Variants in SIL1 observed in about 807,000 individuals in gnomAD.
The protein encoded by SIL1 is SIL1 nucleotide exchange factor.
In SIL1, 40 loss-of-function variants were observed where a neutral mutation model predicts 49.1. The observed-to-expected ratio is 0.81, with a 90% CI of 0.63 to 1.06. SIL1 has a LOEUF of 1.06. SIL1 is among the 50% of genes least tolerant of loss of function. The pLI, the probability that SIL1 is intolerant of heterozygous loss-of-function variation, is 0.00. For synonymous variants in SIL1, 253 were observed against 250.8 expected (o/e 1.01, Z -0.08); for missense variants, 500 against 572.6 (o/e 0.87, Z 1.29).
intron 4 of SIL1, among the ~76,000 whole-genome samples, chr5:139,047,398 C>T (rs1769189873): frequency 6.6e-6 from 1 of 152,202 alleles, no homozygotes; most frequent in Admixed American, 6.5e-5. Flanking sequence ...CTTTAGAGCC[C>T]ACAAGCATTG....
At chr5:138,992,028 G>C (rs1286599718) in intron 7 of SIL1, among the ~76,000 whole-genome samples, 1 of 152,218 alleles carries the variant, frequency 6.6e-6, no homozygotes, top group African/African-American at 2.4e-5. Context: ...GCTCACTCCA[G>C]TCAGTGCCCA....
intron 3 of SIL1, among the ~76,000 whole-genome samples, chr5:139,118,798 A>G (rs1243638468): frequency 6.6e-6 from 1 of 152,206 alleles, no homozygotes; most frequent in Non-Finnish European, 1.5e-5. Context: ...AACAGTATAC[A>G]TAGAAAACAT....
intron 5 of SIL1, among the ~76,000 whole-genome samples, chr5:139,041,190 T>C (rs1173718731): frequency 6.6e-6 from 1 of 152,168 alleles, no homozygotes; most frequent in South Asian, 2.1e-4. Flanking sequence ...TAGGACACAA[T>C]TGCGAGCATT....
intron 1 of SIL1, among the ~76,000 whole-genome samples, chr5:139,136,584 A>G (rs1750977756): frequency 6.6e-6 from 1 of 152,164 alleles, no homozygotes; most frequent in Non-Finnish European, 1.5e-5. Flanking sequence ...AAGAGTGGAG[A>G]ATCCTGAGAA....
At chr5:138,952,392 G>C (rs1561802251) in intron 7 of SIL1, among the ~76,000 whole-genome samples, 3 of 152,234 alleles carry the variant, frequency 2.0e-5, no homozygotes, top group Non-Finnish European at 4.4e-5. Flanking sequence ...ACTGCACATA[G>C]AAAATGCTTG....
At chr5:139,015,113 G>C (rs953106080) in intron 7 of SIL1, among the ~76,000 whole-genome samples, 1 of 152,068 alleles carries the variant, frequency 6.6e-6, no homozygotes, top group African/African-American at 2.4e-5. Context: ...CATGTCCAAG[G>C]TATCAATTTA....
At chr5:139,000,078 T>C (rs930445809) in intron 7 of SIL1, among the ~76,000 whole-genome samples, 1 of 152,216 alleles carries the variant, frequency 6.6e-6, no homozygotes, top group Non-Finnish European at 1.5e-5. Flanking sequence ...TTTTCCCTGT[T>C]CAGTACAATG....
At chr5:138,950,467 C>T (rs570308574) in intron 9 of SIL1, among the ~76,000 whole-genome samples, 1 of 152,334 alleles carries the variant, frequency 6.6e-6, no homozygotes, top group East Asian at 1.9e-4. Context: ...GGGGCCCAGC[C>T]TCCACCATTC....
intron 7 of SIL1, among the ~76,000 whole-genome samples, chr5:139,017,699 C>T (rs954108869): frequency 6.6e-6 from 1 of 152,044 alleles, no homozygotes; most frequent in African/African-American, 2.4e-5. Flanking sequence ...AAGAGGAAAA[C>T]AAAAGCAGGC....
At chr5:139,068,825 A>G (rs1442033260) in intron 3 of SIL1, among the ~76,000 whole-genome samples, 1 of 152,198 alleles carries the variant, frequency 6.6e-6, no homozygotes, top group Non-Finnish European at 1.5e-5. Context: ...AAGAAGAAAG[A>G]AAAGAATAAC....
At chr5:138,955,818 G>A (rs1231839633) in intron 7 of SIL1, among the ~76,000 whole-genome samples, 19 of 152,232 alleles carry the variant, frequency 1.2e-4, no homozygotes, top group Admixed American at 1.2e-3. Context: ...GCCGCTGCAC[G>A]GGTGGCAGGG....
chr5:139,168,933 G>A (rs555108328), intron 1 of SIL1, among the ~76,000 whole-genome samples: 41 of 148,588 alleles, frequency 2.8e-4, no homozygotes, highest in African/African-American at 9.3e-4. Context: ...CTTCACTCCA[G>A]CCTGGGCAAT....
At chr5:139,047,264 G>T (rs1031606083) in intron 4 of SIL1, among the ~76,000 whole-genome samples, 2 of 152,176 alleles carry the variant, frequency 1.3e-5, no homozygotes, top group Non-Finnish European at 2.9e-5. Flanking sequence ...ACTAGAGATG[G>T]CAAAGCCTAA....
intron 7 of SIL1, among the ~76,000 whole-genome samples, chr5:139,020,818 G>A (rs955341101): frequency 6.6e-6 from 1 of 152,154 alleles, no homozygotes; most frequent in African/African-American, 2.4e-5. Flanking sequence ...TCATTTATTC[G>A]TCACTAGATG....
chr5:138,991,058 C>A (rs527328284), intron 7 of SIL1, among the ~76,000 whole-genome samples: 2 of 152,152 alleles, frequency 1.3e-5, no homozygotes, highest in Non-Finnish European at 2.9e-5. Flanking sequence ...TTCCTTTTTC[C>A]GGGTGATCTG....
chr5:138,976,965 C>T (rs1490918891), intron 7 of SIL1, among the ~76,000 whole-genome samples: 1 of 152,216 alleles, frequency 6.6e-6, no homozygotes, highest in Non-Finnish European at 1.5e-5. Flanking sequence ...CTGAGCTTCT[C>T]ACACAGCTTC....
chr5:138,955,700 T>G (rs1292325620), intron 7 of SIL1, among the ~76,000 whole-genome samples: 1 of 152,184 alleles, frequency 6.6e-6, no homozygotes, highest in Admixed American at 6.5e-5. Context: ...CAGGCCCAAG[T>G]GCAACATGAA....
At chr5:139,048,079 CAAAT>C (rs1769205330) in intron 4 of SIL1, among the ~76,000 whole-genome samples, 1 of 152,206 alleles carries the variant, frequency 6.6e-6, no homozygotes. Flanking sequence ...TAAAAACCAA[CAAAT>C]AAACTCCAAA....
chr5:138,961,599 TG>T (rs1315502406), intron 7 of SIL1, among the ~76,000 whole-genome samples: 1 of 152,062 alleles, frequency 6.6e-6, no homozygotes, highest in Admixed American at 6.5e-5. Flanking sequence ...CTCACCCATC[TG>T]GTGCTCCTGA....
Sources: allele counts gnomAD v4.1 joint callset (sites outside exome capture counted in the v4.1 genomes callset), GRCh38; gene constraint gnomAD v4.1.1; transcripts MANE v1.5; gene names NCBI Gene and HGNC (gene_info 2026-07-23, HGNC 2026-07-21).